Variants in ANK2 observed in about 807,000 individuals in gnomAD.
The protein encoded by ANK2 is ankyrin 2, also known as ankyrin-2.
Under a neutral mutation model 360.5 loss-of-function variants are expected in ANK2, and 83 were observed. That is an observed-to-expected ratio of 0.23 (90% CI 0.19 to 0.28). The LOEUF is 0.28. Among genes scored for constraint, ANK2 ranks in the 10% least tolerant of loss-of-function variants. The probability of loss-of-function intolerance (pLI) is 1.00; values close to 1 mark genes in which losing one functional copy is unlikely to be tolerated. For synonymous variants in ANK2, 1,740 were observed against 1,759.5 expected, an observed-to-expected ratio of 0.99 and a Z score of 0.28; for missense variants, 4,201 against 4,795.7, an observed-to-expected ratio of 0.88 and a Z score of 3.66.
intron 1 of ANK2, among the ~76,000 whole-genome samples, chr4:113,056,864 C>T (rs1309699360): frequency 6.6e-6 from 1 of 152,132 alleles, no homozygotes; most frequent in Non-Finnish European, 1.5e-5. Flanking sequence ...TCATGTTTTT[C>T]TGTTAACTCA....
At chr4:112,904,484 G>C in exon 2 of ANK2, 1 of 1,500,456 alleles carries the variant, frequency 6.7e-7, no homozygotes, top group Middle Eastern at 1.7e-4. Context: ...ATGAAGAATT[G>C]GTATTTCAAA....
chr4:112,718,113 A>G, the ANK2 span, among the ~76,000 whole-genome samples: 1 of 152,200 alleles, frequency 6.6e-6, no homozygotes, highest in African/African-American at 2.4e-5. Context: ...CCTGACCTTG[A>G]TCACATTCTC....
At chr4:113,114,460 T>A (rs779288436) in intron 1 of ANK2, among the ~76,000 whole-genome samples, 19 of 152,174 alleles carry the variant, frequency 1.2e-4, no homozygotes, top group Non-Finnish European at 1.9e-4. Flanking sequence ...ATCACCTGGT[T>A]CATTACCTTT....
At chr4:112,883,332 C>T (rs1467950091) in intron 1 of ANK2, among the ~76,000 whole-genome samples, 1 of 152,040 alleles carries the variant, frequency 6.6e-6, no homozygotes, top group Non-Finnish European at 1.5e-5. Flanking sequence ...AGCCACCGCA[C>T]CCGGCCTGCT....
In ANK2 at chr4:112,975,920, AGTTTAT is replaced by A. The variant is rs372141341; in HGVS notation, c.21+71412_21+71417del. 3.3e-3 allele frequency among the ~76,000 whole-genome samples: 496 copies of A among 152,240 alleles called. 2 individuals carry two copies. Among genetic ancestry groups the A allele is most frequent in the African/African-American group, 0.011 (459 of 41,536 alleles). ...ATATGATCAATCTGTGTCTGGTTTT[AGTTTAT>A]GTTTAATTTGTTCTTACTCAGAAAG... On this transcript the variant is annotated intron_variant, in intron 2 of 30. Coordinates refer to the ANK2 transcript ENST00000503271.
intron 1 of ANK2, among the ~76,000 whole-genome samples, chr4:113,053,268 G>C (rs544198789): frequency 2.6e-4 from 40 of 152,296 alleles, no homozygotes; most frequent in Non-Finnish European, 5.3e-4. Context: ...TGGAGAGAGA[G>C]AGAAAGACTT....
At chr4:113,348,367 G>A (rs1000602671) in intron 36 of ANK2, 59 bp downstream of exon 36, 8 of 1,561,040 alleles carry the variant, frequency 5.1e-6, no homozygotes, top group Non-Finnish European at 6.2e-6. Context: ...CCACTAATAA[G>A]AGCACATAGT....
At chr4:112,785,373 CTTTTTTTCCT>C in the ANK2 span, among the ~76,000 whole-genome samples, 1 of 143,208 alleles carries the variant, frequency 7.0e-6, no homozygotes, top group Admixed American at 7.0e-5. Context: ...ATTTATTTTC[CTTTTTTTCCT>C]TTTTTTTTGA....
At chr4:112,804,229 C>T in the ANK2 span, among the ~76,000 whole-genome samples, 2 of 152,122 alleles carry the variant, frequency 1.3e-5, no homozygotes, top group East Asian at 3.9e-4. Context: ...ACCGTGTTAG[C>T]TAGGATGGTC....
At chr4:112,754,309 C>A in the ANK2 span, among the ~76,000 whole-genome samples, 1 of 151,030 alleles carries the variant, frequency 6.6e-6, no homozygotes, top group Non-Finnish European at 1.5e-5. Context: ...GCACTGAAGC[C>A]AAAGCCCCTT....
intron 2 of ANK2, among the ~76,000 whole-genome samples, chr4:113,022,587 A>C (rs188476677): frequency 2.0e-5 from 3 of 152,336 alleles, no homozygotes; most frequent in Admixed American, 1.3e-4. Context: ...AGCTTACCAT[A>C]ATAGGAAAAT....
upstream of ANK2, among the ~76,000 whole-genome samples, chr4:112,816,860 A>C (rs987417548): frequency 3.5e-4 from 53 of 152,116 alleles, no homozygotes; most frequent in Non-Finnish European, 3.1e-4. Flanking sequence ...AAAATACAAA[A>C]ATTGGCCAGG....
chr4:112,771,519 G>A, the ANK2 span, among the ~76,000 whole-genome samples: 1 of 152,120 alleles, frequency 6.6e-6, no homozygotes, highest in African/African-American at 2.4e-5. Context: ...AGCTTGATGA[G>A]GTGTGGAGGT....
intron 26 of ANK2, among the ~76,000 whole-genome samples, 180 bp downstream of exon 26, chr4:113,318,800 G>A (rs1176925491): frequency 6.6e-6 from 1 of 152,018 alleles, no homozygotes; most frequent in African/African-American, 2.4e-5. Flanking sequence ...CAACAAACCA[G>A]CAAAAAAGAT....
At chr4:112,759,279 G>A in the ANK2 span, among the ~76,000 whole-genome samples, 5 of 152,032 alleles carry the variant, frequency 3.3e-5, no homozygotes, top group African/African-American at 9.6e-5. Flanking sequence ...GGGACTACAG[G>A]CACACACCAC....
At chr4:112,759,809 A>T in the ANK2 span, among the ~76,000 whole-genome samples, 3,109 of 152,164 alleles carry the variant, frequency 0.02, 112 homozygotes, top group African/African-American at 0.071. Flanking sequence ...ATATATATAT[A>T]TTTTTCTCTT....
At chr4:113,146,623 A>T (rs936737611) in intron 1 of ANK2, among the ~76,000 whole-genome samples, 1 of 151,878 alleles carries the variant, frequency 6.6e-6, no homozygotes, top group East Asian at 1.9e-4. Context: ...TCAGATTTTA[A>T]TAATTCATAG....
intron 2 of ANK2, among the ~76,000 whole-genome samples, chr4:112,912,033 C>T (rs1581031209): frequency 2.0e-5 from 3 of 152,080 alleles, no homozygotes; most frequent in African/African-American, 7.2e-5. Flanking sequence ...AAAAATTAGC[C>T]GAACGTGGTG....
rs1163500933 is a variant in ANK2 at position 112,861,484 on chromosome 4, A to G, written c.-39-42971A>G. 2.6e-5 allele frequency among the ~76,000 whole-genome samples: 4 copies of G among 152,342 alleles called. 1 individual carries two copies. The South Asian group carries it at 6.2e-4, about 24-fold the overall frequency. On this transcript the variant is annotated intron_variant, in intron 1 of 30. Transcript: ENST00000503271. ...TCTTCCTTACTACAGGCGTGCTAGT[A>G]TAAGTATGCTTTAGCCTTCTTGAGT...
Sources: allele counts gnomAD v4.1 joint callset (sites outside exome capture counted in the v4.1 genomes callset), GRCh38; gene constraint gnomAD v4.1.1; transcripts MANE v1.5; gene names NCBI Gene and HGNC (gene_info 2026-07-23, HGNC 2026-07-21).